The following SLC25A21 variants were observed in gnomAD, a reference collection of about 807,000 sequenced individuals.
SLC25A21 encodes the protein mitochondrial 2-oxodicarboxylate carrier.
Under a neutral mutation model 43.8 loss-of-function variants are expected in SLC25A21, and 47 were observed. The ratio of observed to expected loss-of-function variants is 1.07; its 90% CI spans 0.85 to 1.37. The LOEUF (loss-of-function observed/expected upper bound fraction) is 1.37. Among genes scored for constraint, SLC25A21 ranks in the 40% most tolerant of loss-of-function variants. SLC25A21 has a pLI of 0.00. For synonymous variants in SLC25A21, 131 were observed against 121.3 expected (o/e 1.08, Z -0.52); for missense variants, 352 against 350.2 (o/e 1.00, Z -0.04).
chr14:37,086,594 T>C (rs1282835741), intron 1 of SLC25A21, among the ~76,000 whole-genome samples: 3 of 152,226 alleles, frequency 2.0e-5, no homozygotes, highest in Non-Finnish European at 4.4e-5. Context: ...AGAATGCCCA[T>C]ATTCACATCT....
At chr14:37,128,538 C>CTGTG (rs367948974) in intron 1 of SLC25A21, among the ~76,000 whole-genome samples, 18,219 of 122,526 alleles carry the variant, frequency 0.15, 1,524 homozygotes, top group Middle Eastern at 0.2. Context: ...CTCTCTCTCT[C>CTGTG]TGTGTGTGTG....
chr14:36,704,571 C>T (rs1047278716), intron 7 of SLC25A21, among the ~76,000 whole-genome samples: 4 of 150,300 alleles, frequency 2.7e-5, no homozygotes, highest in Non-Finnish European at 4.4e-5. Flanking sequence ...GCAGGAGAAT[C>T]GCTTGAACCC....
At chr14:36,907,350 T>C (rs528123990) in intron 1 of SLC25A21, among the ~76,000 whole-genome samples, 78 of 148,910 alleles carry the variant, frequency 5.2e-4, no homozygotes, top group African/African-American at 1.9e-3. Context: ...GTTTGTTTTG[T>C]TGGTTGGTTG....
chr14:36,851,202 G>A (rs969540407), intron 2 of SLC25A21, among the ~76,000 whole-genome samples: 8 of 152,158 alleles, frequency 5.3e-5, no homozygotes, highest in Non-Finnish European at 1.0e-4. Flanking sequence ...GGAGCCATAT[G>A]TGTCACATGA....
intron 1 of SLC25A21, among the ~76,000 whole-genome samples, chr14:36,899,402 T>C (rs1052181990): frequency 8.6e-5 from 13 of 151,960 alleles, no homozygotes; most frequent in Non-Finnish European, 1.0e-4. Flanking sequence ...CAAAATAGGG[T>C]TTCAACCTAC....
chr14:37,116,240 A>G (rs1482030753), intron 1 of SLC25A21, among the ~76,000 whole-genome samples: 1 of 152,194 alleles, frequency 6.6e-6, no homozygotes, highest in African/African-American at 2.4e-5. Flanking sequence ...CCCTCTCTCA[A>G]GATGAGCTTG....
intron 1 of SLC25A21, among the ~76,000 whole-genome samples, chr14:37,142,148 T>C (rs1175495740): frequency 1.3e-5 from 2 of 152,172 alleles, no homozygotes. Flanking sequence ...GCATTTTATG[T>C]GCCTCATCTC....
intron 2 of SLC25A21, among the ~76,000 whole-genome samples, chr14:36,831,351 T>C (rs1889031714): frequency 6.6e-6 from 1 of 152,240 alleles, no homozygotes; most frequent in Admixed American, 6.5e-5. Context: ...GACACTGTAT[T>C]GTAGGAAGCT....
chr14:36,890,647 A>G (rs1891048502), intron 1 of SLC25A21, among the ~76,000 whole-genome samples: 1 of 152,220 alleles, frequency 6.6e-6, no homozygotes, highest in Non-Finnish European at 1.5e-5. Flanking sequence ...CACAACATCC[A>G]TGAAGTAAAT....
intron 1 of SLC25A21, among the ~76,000 whole-genome samples, chr14:36,967,114 T>A (rs994567118): frequency 5.6e-4 from 85 of 152,318 alleles, no homozygotes; most frequent in African/African-American, 1.9e-3. Context: ...AATTTTAGAA[T>A]GAAATCACAA....
At chr14:36,735,471 A>ACAAG (rs1884992208) in intron 3 of SLC25A21, among the ~76,000 whole-genome samples, 1 of 54,012 alleles carries the variant, frequency 1.9e-5, no homozygotes, top group African/African-American at 1.1e-4. Flanking sequence ...TGATGAGTCC[A>ACAAG]TAACATGTCC....
chr14:36,820,153 A>G (rs1244229905), intron 2 of SLC25A21, among the ~76,000 whole-genome samples: 1 of 152,146 alleles, frequency 6.6e-6, no homozygotes, highest in Non-Finnish European at 1.5e-5. Context: ...GGTAAAGAGC[A>G]TTTCTGGCAT....
intron 1 of SLC25A21, among the ~76,000 whole-genome samples, chr14:37,042,001 G>A (rs1485760665): frequency 2.0e-5 from 3 of 152,314 alleles, no homozygotes; most frequent in South Asian, 4.1e-4. Context: ...CACATCAAGT[G>A]GAGAAGCTGT....
chr14:36,738,106 A>T (rs1005249602), intron 3 of SLC25A21, among the ~76,000 whole-genome samples: 4 of 152,188 alleles, frequency 2.6e-5, no homozygotes, highest in Non-Finnish European at 4.4e-5. Context: ...GCTGTGTCCA[A>T]TCATAGGAAG....
chr14:37,038,373 C>A (rs1361122456), intron 1 of SLC25A21, among the ~76,000 whole-genome samples: 2 of 152,164 alleles, frequency 1.3e-5, no homozygotes, highest in East Asian at 1.9e-4. Flanking sequence ...TCTAGCCTCT[C>A]CTTCAGCATT....
intron 1 of SLC25A21, among the ~76,000 whole-genome samples, chr14:37,124,476 A>G (rs1408848246): frequency 6.6e-6 from 1 of 152,086 alleles, no homozygotes; most frequent in African/African-American, 2.4e-5. Context: ...TACAGCACCA[A>G]CTAGATTTTC....
intron 1 of SLC25A21, among the ~76,000 whole-genome samples, chr14:37,046,237 AG>A (rs1186500917): frequency 6.6e-6 from 1 of 152,154 alleles, no homozygotes; most frequent in Non-Finnish European, 1.5e-5. Context: ...AAGCTTTCCC[AG>A]ATCTAGTGCT....
intron 3 of SLC25A21, among the ~76,000 whole-genome samples, chr14:36,813,356 G>A (rs908016708): frequency 2.4e-5 from 3 of 124,286 alleles, no homozygotes; most frequent in Non-Finnish European, 3.5e-5. Flanking sequence ...ATAATTAATC[G>A]GACGCATCAA....
At chr14:37,002,256 C>T (rs964219377) in intron 1 of SLC25A21, among the ~76,000 whole-genome samples, 1 of 152,120 alleles carries the variant, frequency 6.6e-6, no homozygotes, top group Non-Finnish European at 1.5e-5. Context: ...ACAGAGAGCC[C>T]AGCTCCAGGG....
Sources: gnomAD v4.1 joint callset for allele counts (sites outside exome capture counted in the v4.1 genomes callset) on GRCh38, gnomAD v4.1.1 for gene constraint, MANE v1.5 for transcripts, NCBI Gene and HGNC (gene_info 2026-07-23, HGNC 2026-07-21) for gene names.